RORB: variants seen among roughly 807,000 people sequenced by gnomAD.
RORB encodes the protein RAR related orphan receptor B.
Under a neutral mutation model 59.1 loss-of-function variants are expected in RORB, and 6 were observed. The ratio of observed to expected loss-of-function variants is 0.10; its 90% CI spans 0.06 to 0.20. The LOEUF (loss-of-function observed/expected upper bound fraction) is 0.20, where lower values mean the gene tolerates loss of function less well. RORB is among the 10% of genes least tolerant of loss of function. The probability of loss-of-function intolerance (pLI) is 1.00; values close to 1 mark genes in which losing one functional copy is unlikely to be tolerated. For synonymous variants in RORB, 215 were observed against 204.5 expected (o/e 1.05, Z -0.44); for missense variants, 320 against 560.5 (o/e 0.57, Z 4.33).
At chr9:74,645,002 T>C (rs768826433) in intron 4 of RORB, among the ~76,000 whole-genome samples, 8 of 152,170 alleles carry the variant, frequency 5.3e-5, no homozygotes, top group Non-Finnish European at 1.0e-4. Context: ...GCACAGACAT[T>C]GACATGCAAA....
Position 74,682,271 on chromosome 9 carries a change from C to T in RORB, c.1225-3192C>T, listed in dbSNP as rs183823003. Among the ~76,000 whole-genome samples, 96 of 107,188 alleles carry T rather than the reference C, an allele frequency of 9.0e-4. 1 individual carries two copies. The South Asian group carries it at 0.01, about 12-fold the overall frequency. 70.3% of individuals were successfully genotyped at this position (107,188 alleles called of 152,430 possible). On this transcript the variant is annotated intron_variant, in intron 9 of 9. Transcript: ENST00000376896. ...CCCCTTCCTGTGTCCATGTGTTCAC[C>T]GGGGCCTGTTGTGGGGTGGGGGGAG...
intron 1 of RORB, among the ~76,000 whole-genome samples, chr9:74,534,091 T>G (rs1826287037): frequency 1.3e-5 from 2 of 152,068 alleles, no homozygotes; most frequent in Non-Finnish European, 1.5e-5. Context: ...TGTTCCTTCT[T>G]CTATTTCATA....
chr9:74,546,640 A>G (rs956347276), intron 1 of RORB, among the ~76,000 whole-genome samples: 3 of 152,210 alleles, frequency 2.0e-5, no homozygotes, highest in African/African-American at 7.2e-5. Flanking sequence ...GACCACTAGG[A>G]ACTGAGACTG....
At chr9:74,507,387 A>G (rs997241744) in intron 1 of RORB, among the ~76,000 whole-genome samples, 10 of 152,136 alleles carry the variant, frequency 6.6e-5, no homozygotes, top group African/African-American at 2.4e-4. Flanking sequence ...CTCTGAGAAC[A>G]TGAAATGCAG....
chr9:74,679,872 C>T (rs3793521), intron 9 of RORB, among the ~76,000 whole-genome samples: 9,053 of 152,040 alleles, frequency 0.06, 483 homozygotes, highest in East Asian at 0.29. Context: ...CCGAGGCAGG[C>T]GGATCAGATC....
intron 1 of RORB, among the ~76,000 whole-genome samples, chr9:74,514,489 C>T (rs1248965003): frequency 6.6e-6 from 1 of 151,826 alleles, no homozygotes; most frequent in Non-Finnish European, 1.5e-5. Context: ...TGTTGCTGAC[C>T]GCCAACACTT....
rs1050083378 is a variant in RORB, at chr9:74,635,976, A to T, written c.235+1204A>T. 1.1e-4 allele frequency among the ~76,000 whole-genome samples: 17 copies of T among 148,232 alleles called. No individual in the cohort carries two copies. In the Admixed American group the frequency reaches 1.1e-3, roughly 10 times the overall value. Reference sequence around the variant, plus strand: ...TTGACCAAAAAAAAAAAAAAAACAGAATCTGACCTGAAACCCTTCAGTTTA... The same window carrying T: ...TTGACCAAAAAAAAAAAAAAAACAGTATCTGACCTGAAACCCTTCAGTTTA... On this transcript the variant is annotated intron_variant, in intron 3 of 9. Transcript: ENST00000376896.
At chr9:74,631,424 C>G (rs942624603) in intron 2 of RORB, among the ~76,000 whole-genome samples, 1 of 151,216 alleles carries the variant, frequency 6.6e-6, no homozygotes, top group African/African-American at 2.4e-5. Context: ...TCTTTTAAGG[C>G]CAGTAAACTG....
At chr9:74,572,023 C>A (rs1822560110) in intron 1 of RORB, among the ~76,000 whole-genome samples, 1 of 152,080 alleles carries the variant, frequency 6.6e-6, no homozygotes, top group African/African-American at 2.4e-5. Flanking sequence ...CTTTCTCTAC[C>A]TGGGGAAGGC....
intron 1 of RORB, among the ~76,000 whole-genome samples, chr9:74,534,184 C>T (rs1168998203): frequency 6.6e-6 from 1 of 151,960 alleles, no homozygotes; most frequent in Non-Finnish European, 1.5e-5. Context: ...GACTAAATGC[C>T]TTTTAGCACT....
At position 74,642,583 on chromosome 9, in the gene RORB, C is replaced by A. The variant is rs768600001; in HGVS notation, c.405C>A (p.Asn135Lys). 6.2e-7 allele frequency: 1 copy of A among 1,614,180 alleles called. No homozygotes were observed. The highest frequency in any genetic ancestry group is 8.5e-7 in the Non-Finnish European group (1 of 1,180,040). ...SISNGLSNLN[N>K]ETSGTYANGH... Reference sequence around the variant, plus strand: ...GCAACGGCCTGAGCAACCTGAACAACGAGACCAGCGGCACTTATGCCAACG... The same window carrying A: ...GCAACGGCCTGAGCAACCTGAACAAAGAGACCAGCGGCACTTATGCCAACG... The change falls in exon 4 of 10, where the codon AAC (asparagine) becomes AAA (lysine). Residue 135 changes from asparagine to lysine, a missense_variant. Asn to Lys is a moderately conservative substitution (Grantham distance 94, BLOSUM62 0). Transcript: ENST00000376896.
intron 1 of RORB, among the ~76,000 whole-genome samples, chr9:74,563,552 G>A (rs1428064825): frequency 1.3e-5 from 2 of 152,136 alleles, no homozygotes; most frequent in Non-Finnish European, 2.9e-5. Context: ...ATTTTAAAAT[G>A]TAAAGGCCAG....
intron 3 of RORB, among the ~76,000 whole-genome samples, chr9:74,639,880 T>C (rs1258681001): frequency 6.6e-6 from 1 of 152,188 alleles, no homozygotes; most frequent in African/African-American, 2.4e-5. Context: ...TAATTTGTAA[T>C]AAATTGGTTA....
intron 1 of RORB, among the ~76,000 whole-genome samples, chr9:74,619,359 C>T (rs1206298558): frequency 6.6e-6 from 1 of 152,186 alleles, no homozygotes; most frequent in Non-Finnish European, 1.5e-5. Context: ...GTGATGTAAA[C>T]ATGTGTGGCT....
intron 9 of RORB, among the ~76,000 whole-genome samples, chr9:74,678,466 A>G (rs1004615744): frequency 2.0e-5 from 3 of 152,336 alleles, no homozygotes; most frequent in East Asian, 3.9e-4. Flanking sequence ...TCTTTCTATT[A>G]TAACAATAAT....
At chr9:74,586,899 T>G (rs1198270793) in intron 1 of RORB, among the ~76,000 whole-genome samples, 1 of 152,144 alleles carries the variant, frequency 6.6e-6, no homozygotes, top group Non-Finnish European at 1.5e-5. Flanking sequence ...TCAATGTAGA[T>G]GCATTGTTCA....
intron 1 of RORB, among the ~76,000 whole-genome samples, chr9:74,519,491 A>G (rs898962207): frequency 6.6e-6 from 1 of 152,056 alleles, no homozygotes; most frequent in Non-Finnish European, 1.5e-5. Flanking sequence ...ATTCAAAAAG[A>G]GAAAGACGGC....
chr9:74,620,533 GTC>G (rs1467036497), intron 1 of RORB, among the ~76,000 whole-genome samples: 2 of 151,842 alleles, frequency 1.3e-5, no homozygotes, highest in African/African-American at 4.8e-5. Flanking sequence ...GTTTTTTTGT[GTC>G]TCTATTTCCT....
At chr9:74,523,558 G>C (rs972267704) in intron 1 of RORB, among the ~76,000 whole-genome samples, 1 of 151,880 alleles carries the variant, frequency 6.6e-6, no homozygotes, top group African/African-American at 2.4e-5. Context: ...TCCCATATCT[G>C]TGTTATTGTA....
Sources: allele counts gnomAD v4.1 joint callset (sites outside exome capture counted in the v4.1 genomes callset), GRCh38; gene constraint gnomAD v4.1.1; transcripts MANE v1.5; gene names NCBI Gene and HGNC (gene_info 2026-07-23, HGNC 2026-07-21).